The following ZNF101 variants were observed in gnomAD, a reference collection of about 807,000 sequenced individuals.
ZNF101 encodes the protein zinc finger protein 101, also known as zinc finger protein 101 (Y2).
In ZNF101, 34 loss-of-function variants were observed where a neutral mutation model predicts 42.6. That is an observed-to-expected ratio of 0.80 (90% CI 0.61 to 1.06). ZNF101 has a LOEUF of 1.06. ZNF101 is among the 50% of genes least tolerant of loss of function. ZNF101 has a pLI of 0.00. For synonymous variants in ZNF101, 158 were observed against 183.9 expected, an observed-to-expected ratio of 0.86 and a Z score of 1.14; for missense variants, 466 against 530.9, an observed-to-expected ratio of 0.88 and a Z score of 1.20.
intron 2 of ZNF101, among the ~76,000 whole-genome samples, chr19:19,678,525 G>A (rs1027741873): frequency 4.0e-5 from 6 of 151,642 alleles, no homozygotes; most frequent in African/African-American, 1.5e-4. Flanking sequence ...TGAGGCAGGA[G>A]AATCACTAGA....
rs2062226021 is a variant in ZNF101 at position 19,679,672 on chromosome 19, A to C, written c.683A>C (p.Lys228Thr). 1.2e-6 allele frequency: 2 copies of C among 1,613,986 alleles called. No homozygotes were observed. The highest frequency in any genetic ancestry group is 1.3e-5 in the African/African-American group (1 of 74,944). Residue 228 changes from lysine (K) to threonine (T), a missense_variant, in exon 4 of 4, where the codon AAA (lysine) becomes ACA (threonine). Physicochemically the swap from Lys to Thr is moderately conservative, Grantham distance 78 (BLOSUM62 -1). Transcript: ENST00000592502. ...ACTGGAGAAAAACGCTATGAATGTA[A>C]ATACTGTGGAAAACCTATCGATTAT... Reference protein sequence around the residue: ...MHTGEKRYECKYCGKPIDYPS... With the variant: ...MHTGEKRYECTYCGKPIDYPS...
chr19:19,674,565 T>C (rs1467542062), intron 1 of ZNF101, among the ~76,000 whole-genome samples: 2 of 152,244 alleles, frequency 1.3e-5, no homozygotes, highest in African/African-American at 4.8e-5. Flanking sequence ...TGCTGTCAGG[T>C]ATGATTTGCT....
chr19:19,675,207 G>A (rs1242103056), intron 1 of ZNF101, among the ~76,000 whole-genome samples: 2 of 151,728 alleles, frequency 1.3e-5, no homozygotes, highest in Admixed American at 6.6e-5. Context: ...GCATGATCTC[G>A]GCTCACTGCA....
intron 1 of ZNF101, among the ~76,000 whole-genome samples, chr19:19,671,951 A>G (rs2062172984): frequency 6.6e-6 from 1 of 151,790 alleles, no homozygotes; most frequent in African/African-American, 2.4e-5. Flanking sequence ...GGGCAGGAAC[A>G]CTGGCAAACA....
chr19:19,671,607 C>CTCCT (rs1233809885), intron 1 of ZNF101, among the ~76,000 whole-genome samples: 1 of 151,650 alleles, frequency 6.6e-6, no homozygotes, highest in Non-Finnish European at 1.5e-5. Flanking sequence ...TCACGCCATT[C>CTCCT]TCCTGCCTCT....
chr19:19,671,676 T>C (rs1439996137), intron 1 of ZNF101, among the ~76,000 whole-genome samples: 1 of 152,058 alleles, frequency 6.6e-6, no homozygotes, highest in East Asian at 1.9e-4. Flanking sequence ...ATTTTTTGTA[T>C]TTTTAGTAGA....
At chr19:19,673,785 A>AATT (rs35473462) in intron 1 of ZNF101, among the ~76,000 whole-genome samples, 8,169 of 142,292 alleles carry the variant, frequency 0.057, 338 homozygotes, top group East Asian at 0.17. Flanking sequence ...AGGCTTTTTA[A>AATT]ATTATTATTA....
intron 2 of ZNF101, 141 bp downstream of exon 2, chr19:19,678,131 C>G: frequency 8.0e-7 from 1 of 1,255,768 alleles, no homozygotes; most frequent in Non-Finnish European, 1.1e-6. Flanking sequence ...GTGGCTTACC[C>G]TTGTAATCCT....
rs752059975 is a variant in ZNF101, at chr19:19,679,158, A to G, written c.192-23A>G. On this transcript the variant is annotated intron_variant, in intron 3 of 3. Transcript: ENST00000592502. ...AAGCATTAATAAACCAAGCATTGAT[A>G]ATGCGTTTGTCATTTTTCATAGAAG... 7 of 1,604,296 alleles carry G rather than the reference A, an allele frequency of 4.4e-6. No individual in the cohort carries two copies. In the East Asian group the frequency reaches 1.3e-4, roughly 31 times the overall value.
chr19:19,668,421 C>T (rs967199722), upstream of ZNF101, among the ~76,000 whole-genome samples: 3 of 151,946 alleles, frequency 2.0e-5, no homozygotes, highest in Admixed American at 6.6e-5. Flanking sequence ...GAACTGTCTG[C>T]CGGTTCAGCT....
chr19:19,677,624 G>A (rs1029154348), intron 1 of ZNF101: 1 of 439,270 alleles, frequency 2.3e-6, no homozygotes, highest in Non-Finnish European at 3.9e-6. Flanking sequence ...CAGCACAACT[G>A]ACTCCCTGGA....
At position 19,683,003 on chromosome 19, in the gene ZNF101, A is replaced by G. The variant is rs2062247420; in HGVS notation, c.*2703A>G. ...TGTATTTTAGTAGAGACGGGGTTTC[A>G]TTGTACTGGCCAGGATGGTCTTGAT... On this transcript the variant is annotated 3_prime_UTR_variant, in exon 4 of 4. Coordinates refer to ENST00000592502, the MANE Select transcript of ZNF101 (RefSeq NM_033204.4). 1 of 151,994 alleles carries G rather than the reference A, an allele frequency of 6.6e-6. No homozygotes were observed. The highest frequency in any genetic ancestry group is 1.5e-5 in the Non-Finnish European group (1 of 68,004). The allele number at this position is 151,994 out of a possible 1,614,324, so 9.4% of individuals were successfully genotyped here.
chr19:19,672,621 G>A (rs1313841744), intron 1 of ZNF101, among the ~76,000 whole-genome samples: 3 of 151,974 alleles, frequency 2.0e-5, no homozygotes, highest in East Asian at 1.9e-4. Flanking sequence ...TGCCTCCCAG[G>A]TTCAAACGAT....
rs1159185301 is a variant in ZNF101 at position 19,683,115 on chromosome 19, T to C, written c.*2815T>C. The C allele has an allele frequency of 1.3e-5, 2 of 152,122 alleles. No individual in the cohort carries two copies. The highest frequency in any genetic ancestry group is 3.9e-4 in the East Asian group (2 of 5,188). 9.4% of individuals were successfully genotyped at this position (152,122 alleles called of 1,614,324 possible). A position where few individuals can be genotyped will look rare whatever the true frequency, so the allele number is the denominator to read the frequency against. On this transcript the variant is annotated 3_prime_UTR_variant, in exon 4 of 4. Coordinates refer to ENST00000592502, the MANE Select transcript of ZNF101 (RefSeq NM_033204.4). ...CCACTGCGACCGGCCCATGAGTCTT[T>C]ATTAATAGAGATTTCTTACTGGTGT...
chr19:19,673,687 CTTTT>C (rs573395742), intron 1 of ZNF101, among the ~76,000 whole-genome samples: 2 of 82,866 alleles, frequency 2.4e-5, no homozygotes, highest in African/African-American at 4.9e-5. Flanking sequence ...GCGTTCAATT[CTTTT>C]TTTTTTTTTT....
chr19:19,676,741 C>T (rs1433793405), intron 1 of ZNF101: 2 of 150,924 alleles, frequency 1.3e-5, no homozygotes, highest in Non-Finnish European at 2.9e-5. Context: ...TCAAGTGATT[C>T]TTCTGTCTCA....
intron 1 of ZNF101, among the ~76,000 whole-genome samples, chr19:19,670,124 G>A (rs749963617): frequency 6.6e-6 from 1 of 152,146 alleles, no homozygotes; most frequent in Admixed American, 6.6e-5. Flanking sequence ...CTGTCCTGGC[G>A]TGGTTAATCT....
At chr19:19,677,692 C>G in intron 1 of ZNF101, 172 bp from the exon 2 acceptor site, 2 of 1,062,254 alleles carry the variant, frequency 1.9e-6, no homozygotes, top group Non-Finnish European at 1.3e-6. Flanking sequence ...GGTCAGTTCT[C>G]ACACTGGAAC....
chr19:19,672,585 G>A (rs1207422730), intron 1 of ZNF101, among the ~76,000 whole-genome samples: 1 of 151,950 alleles, frequency 6.6e-6, no homozygotes, highest in Non-Finnish European at 1.5e-5. Context: ...GAGTGCGGTG[G>A]CACGATCTCA....
Sources: allele counts gnomAD v4.1 joint callset (sites outside exome capture counted in the v4.1 genomes callset), GRCh38; gene constraint gnomAD v4.1.1; transcripts MANE v1.5; gene names NCBI Gene and HGNC (gene_info 2026-07-23, HGNC 2026-07-21).